The following FGF13 variants were observed in gnomAD, a reference collection of about 807,000 sequenced individuals.
The protein encoded by FGF13 is fibroblast growth factor 13, also known as fibroblast growth factor homologous factor 2.
Under a neutral mutation model 19.5 loss-of-function variants are expected in FGF13, and 2 were observed. The observed-to-expected ratio is 0.10, with a 90% CI of 0.04 to 0.32. The LOEUF is 0.32. Ranked by LOEUF, FGF13 falls within the 10% of genes least tolerant of loss-of-function variation. FGF13 has a pLI of 1.00. For missense variants in FGF13, 113 were observed against 192.7 expected, an observed-to-expected ratio of 0.59 and a Z score of 2.45; for synonymous variants, 72 against 76.9, an observed-to-expected ratio of 0.94 and a Z score of 0.33.
At chrX:138,973,388 T>A (rs765010674) in intron 1 of FGF13, among the ~76,000 whole-genome samples, 2 of 112,475 alleles carry the variant, frequency 1.8e-5, no homozygotes, top group Non-Finnish European at 3.8e-5. Context: ...TTTTTTAAAA[T>A]ATTTTTAAAA....
rs186829093 is a variant in FGF13 at position 138,801,478 on chromosome X, G to A, written c.217+56034C>T. ...GAAGTTTCACCCCAGAGGGGCACCC[G>A]CCTGATGCTAGCCACTGTTCTCTCG... On this transcript the variant is annotated intron_variant, in intron 3 of 6. Coordinates refer to the FGF13 transcript ENST00000436198. Among the ~76,000 whole-genome samples the A allele has an allele frequency of 3.6e-5, 4 of 111,456 alleles. No individual in the cohort carries two copies. The East Asian group carries it at 1.1e-3, about 32-fold the overall frequency.
chrX:138,668,333 G>A (rs17538934), intron 3 of FGF13, among the ~76,000 whole-genome samples: 1 of 111,187 alleles, frequency 9.0e-6, no homozygotes, highest in Admixed American at 9.6e-5. Context: ...TGTAATGTCA[G>A]AGCCCTCCCT....
chrX:138,828,449 A>T (rs1358310867), intron 3 of FGF13, among the ~76,000 whole-genome samples: 1 of 109,773 alleles, frequency 9.1e-6, no homozygotes, highest in African/African-American at 3.3e-5. Flanking sequence ...GGGCGCCTGT[A>T]GTCCCAGCTA....
At chrX:138,727,291 C>G (rs2090192980) in intron 1 of FGF13, among the ~76,000 whole-genome samples, 3 of 110,233 alleles carry the variant, frequency 2.7e-5, no homozygotes, top group African/African-American at 9.9e-5. Context: ...CAATGAGGCA[C>G]AGGAAGCAGT....
intron 1 of FGF13, among the ~76,000 whole-genome samples, chrX:138,882,695 G>A (rs1022165362): frequency 1.8e-5 from 2 of 111,916 alleles, no homozygotes; most frequent in Non-Finnish European, 3.8e-5. Flanking sequence ...CAGTACAGAA[G>A]TTAACCTGTT....
intron 1 of FGF13, among the ~76,000 whole-genome samples, chrX:139,019,891 A>T (rs1175495755): frequency 9.1e-6 from 1 of 110,443 alleles, no homozygotes; most frequent in Non-Finnish European, 1.9e-5. Context: ...GAATTTTGCT[A>T]GGAAAAATTA....
chrX:138,880,485 G>A (rs2091417133), intron 1 of FGF13, among the ~76,000 whole-genome samples: 1 of 111,565 alleles, frequency 9.0e-6, no homozygotes, highest in South Asian at 3.8e-4. Flanking sequence ...TATACACTAA[G>A]GAATACTATA....
At chrX:139,141,588 C>T (rs1186109247) in intron 1 of FGF13, among the ~76,000 whole-genome samples, 1 of 111,808 alleles carries the variant, frequency 8.9e-6, no homozygotes, top group Non-Finnish European at 1.9e-5. Context: ...TTCACACATG[C>T]TGGTCCCTCT....
At chrX:138,733,739 C>T (rs1172485160) in intron 1 of FGF13, among the ~76,000 whole-genome samples, 5 of 111,199 alleles carry the variant, frequency 4.5e-5, no homozygotes, top group East Asian at 2.9e-4. Flanking sequence ...ACTTAACAAA[C>T]GGTAGTTTTT....
intron 1 of FGF13, among the ~76,000 whole-genome samples, chrX:138,870,883 G>A (rs924365044): frequency 1.3e-4 from 15 of 111,977 alleles, no homozygotes; most frequent in African/African-American, 4.5e-4. Flanking sequence ...TCTCCATTCC[G>A]CAAGGAATTG....
intron 1 of FGF13, among the ~76,000 whole-genome samples, chrX:138,982,686 G>C (rs2091968907): frequency 8.9e-6 from 1 of 112,171 alleles, no homozygotes; most frequent in African/African-American, 3.2e-5. Flanking sequence ...TAGTGGCAGA[G>C]CAGTCATCAG....
At chrX:138,882,538 C>T (rs1193469941) in intron 1 of FGF13, among the ~76,000 whole-genome samples, 1 of 111,801 alleles carries the variant, frequency 8.9e-6, no homozygotes, top group Non-Finnish European at 1.9e-5. Context: ...TTCAGGATAA[C>T]CAACAAAACC....
intron 3 of FGF13, among the ~76,000 whole-genome samples, chrX:138,651,480 A>C (rs1415704063): frequency 8.9e-6 from 1 of 112,088 alleles, no homozygotes; most frequent in Non-Finnish European, 1.9e-5. Context: ...CTGAATATAT[A>C]ATAATAGATT....
intron 1 of FGF13, among the ~76,000 whole-genome samples, chrX:138,717,976 G>A (rs2090121570): frequency 9.0e-6 from 1 of 111,700 alleles, no homozygotes; most frequent in Non-Finnish European, 1.9e-5. Flanking sequence ...GTGGATCAAG[G>A]CAGTCACATT....
At chrX:138,782,746 A>C (rs1412162724) in intron 3 of FGF13, among the ~76,000 whole-genome samples, 3 of 98,531 alleles carry the variant, frequency 3.0e-5, no homozygotes, top group Non-Finnish European at 6.1e-5. Context: ...GCCCAAGGTA[A>C]TTTACAGATT....
chrX:139,146,101 A>C (rs1483451492), intron 1 of FGF13, among the ~76,000 whole-genome samples: 1 of 111,896 alleles, frequency 8.9e-6, no homozygotes, highest in African/African-American at 3.3e-5. Flanking sequence ...ATGGCAACAA[A>C]AGCCAAAATT....
intron 3 of FGF13, among the ~76,000 whole-genome samples, chrX:138,840,860 T>C (rs1226835740): frequency 8.9e-6 from 1 of 111,819 alleles, no homozygotes; most frequent in Non-Finnish European, 1.9e-5. Flanking sequence ...AAATTATTCT[T>C]CCACAAAATA....
At chrX:138,726,123 G>T (rs968682573) in intron 1 of FGF13, among the ~76,000 whole-genome samples, 1 of 110,738 alleles carries the variant, frequency 9.0e-6, no homozygotes, top group Non-Finnish European at 1.9e-5. Flanking sequence ...AAGGCCTATG[G>T]ACATGAAAGT....
rs1025964226 is a variant in FGF13, at chrX:138,899,493, C to G, written c.-112-34843G>C. ...GCCAGCCATATCGGCACAATTCTCT[C>G]CATTTCTTGGGGAGAATGCTTGCCA... On this transcript the variant is annotated intron_variant, in intron 1 of 2. Transcript: ENST00000421460. 3.6e-5 allele frequency among the ~76,000 whole-genome samples: 4 copies of G among 111,171 alleles called. No individual in the cohort carries two copies. In the East Asian group the frequency reaches 1.1e-3, roughly 32 times the overall value.
Sources: allele counts gnomAD v4.1 joint callset (sites outside exome capture counted in the v4.1 genomes callset), GRCh38; gene constraint gnomAD v4.1.1; transcripts MANE v1.5; gene names NCBI Gene and HGNC (gene_info 2026-07-23, HGNC 2026-07-21).